Variants in DPP8 observed in about 807,000 individuals in gnomAD.
DPP8 encodes DPP VIII.
DPP8 carries 31 observed loss-of-function variants against 107.5 expected under a neutral mutation model. The observed-to-expected ratio is 0.29, with a 90% CI of 0.22 to 0.39. The LOEUF (loss-of-function observed/expected upper bound fraction) is 0.39. Ranked by LOEUF, DPP8 falls within the 10% of genes least tolerant of loss-of-function variation. The probability of loss-of-function intolerance (pLI) is 1.00; values close to 1 mark genes in which losing one functional copy is unlikely to be tolerated. For synonymous variants in DPP8, 381 were observed against 356.6 expected (o/e 1.07, Z -0.77); for missense variants, 842 against 1,076.1 (o/e 0.78, Z 3.04).
At chr15:65,505,978 T>A (rs1313498559) in intron 3 of DPP8, among the ~76,000 whole-genome samples, 2 of 148,136 alleles carry the variant, frequency 1.4e-5, no homozygotes, top group African/African-American at 5.0e-5. Context: ...TTAGTTGTTA[T>A]AAAAGTTTTT....
intron 8 of DPP8, among the ~76,000 whole-genome samples, chr15:65,483,028 C>T (rs991848268): frequency 3.3e-5 from 5 of 151,956 alleles, no homozygotes; most frequent in African/African-American, 7.2e-5. Flanking sequence ...ACCCGGGAGG[C>T]GGAGCTTGCA....
intron 8 of DPP8, 134 bp downstream of exon 8, chr15:65,484,965 A>G (rs2067264058): frequency 2.8e-6 from 2 of 707,928 alleles, no homozygotes; most frequent in Non-Finnish European, 2.5e-6. Flanking sequence ...AATTAGGTCA[A>G]TCTAAAATCA....
chr15:65,486,410 AAAC>A (rs2067445734), intron 7 of DPP8, among the ~76,000 whole-genome samples: 1 of 151,826 alleles, frequency 6.6e-6, no homozygotes, highest in Non-Finnish European at 1.5e-5. Flanking sequence ...CAAAAACAAA[AAAC>A]AAAAATTAGC....
intron 7 of DPP8, 146 bp from the exon 8 acceptor site, chr15:65,485,306 G>A: frequency 1.7e-6 from 1 of 584,612 alleles, no homozygotes; most frequent in Non-Finnish European, 3.0e-6. Flanking sequence ...CACTTTGGCA[G>A]GTTGAGGCAG....
Position 65,500,776 on chromosome 15 carries a change from T to C in DPP8, c.376A>G (p.Thr126Ala), listed in dbSNP as rs140325412. 9.2e-5 allele frequency: 148 copies of C among 1,607,308 alleles called. 1 individual carries two copies. In the Middle Eastern group the frequency reaches 1.3e-3, roughly 14 times the overall value. The change falls in exon 4 of 20, where the codon ACA becomes GCA. Residue 126 changes from threonine (T) to alanine (A), a missense_variant. This residue lies in a region of DPP8 where 663 missense variants were observed against 758.0 expected (regional missense o/e 0.87). Transcript: ENST00000300141. ...WKPLLDLFQA[T>A]LDYGMYSREE... ...CGAGAATACATTCCATAGTCCAGTG[T>C]TGCCTAATGTGAAAGGAAAGTCACC...
rs556879165 is a variant in DPP8 at position 65,445,788 on chromosome 15, A to G, written c.*1096T>C. The G allele has an allele frequency of 1.3e-5, 2 of 152,492 alleles. No individual in the cohort carries two copies. The highest frequency in any genetic ancestry group is 6.5e-5 in the Admixed American group (1 of 15,290). 9.4% of individuals were successfully genotyped at this position (152,492 alleles called of 1,614,324 possible). The stretch of plus-strand genomic sequence containing the variant: ...TACTCTGTAGCTGTGCTGGCAAGAC[A>G]GTGATTTATTGATTCTGGTTTCCTT... On this transcript the variant is annotated 3_prime_UTR_variant, in exon 20 of 20. Transcript: ENST00000300141.
In DPP8 at chr15:65,500,672, T is replaced by C. The variant is rs17853971; in HGVS notation, c.480A>G (p.Gly160=). The C allele has an allele frequency of 1.9e-6, 3 of 1,614,032 alleles. No individual in the cohort carries two copies. Among genetic ancestry groups the C allele is most frequent in the Non-Finnish European group, 2.5e-6 (3 of 1,179,916 alleles). ...CACTACCGGCTTGAAACAGAAATGTTCCACTTCCTTGGTGATAATCGTAAG... is the reference window on the plus strand; with the variant it reads ...CACTACCGGCTTGAAACAGAAATGTCCCACTTCCTTGGTGATAATCGTAAG... The part of the protein sequence containing the change: ...IASYDYHQGS[G]TFLFQAGSGI... Residue 160 remains glycine (G), a synonymous_variant, in exon 4 of 20, where the codon GGA becomes GGG. Coordinates refer to ENST00000300141, the MANE Select transcript of DPP8 (RefSeq NM_130434.5).
chr15:65,515,733 A>C, intron 1 of DPP8: 1 of 1,578,660 alleles, frequency 6.3e-7, no homozygotes, highest in Non-Finnish European at 8.7e-7. Flanking sequence ...TCAAGCATAG[A>C]ATCCCTCTGC....
chr15:65,489,132 T>C (rs1051045390), intron 6 of DPP8, among the ~76,000 whole-genome samples: 4 of 151,924 alleles, frequency 2.6e-5, no homozygotes, highest in African/African-American at 2.4e-5. Flanking sequence ...AGCTAATTTT[T>C]TGTATTTTAG....
Position 65,446,828 on chromosome 15 carries a change from C to A in DPP8, c.*56G>T, listed in dbSNP as rs538500587. 2 of 1,509,726 alleles carry A rather than the reference C, an allele frequency of 1.3e-6. No homozygotes were observed. Among genetic ancestry groups the A allele is most frequent in the East Asian group, 2.4e-5 (1 of 41,826 alleles). 93.5% of individuals were successfully genotyped at this position (1,509,726 alleles called of 1,614,324 possible). A position where few individuals can be genotyped will look rare whatever the true frequency, so the allele number is the denominator to read the frequency against. ...AATTCTGTGTTTTCTGTTGATTAAA[C>A]CTCCTCATTTGGTTAAATAGCCAGT... On this transcript the variant is annotated 3_prime_UTR_variant, in exon 20 of 20. Coordinates refer to ENST00000300141, the MANE Select transcript of DPP8 (RefSeq NM_130434.5).
intron 11 of DPP8, chr15:65,475,557 CTGAATTAGGACTGGCT>C: frequency 7.9e-7 from 1 of 1,271,714 alleles, no homozygotes; most frequent in African/African-American, 1.5e-5. Context: ...TCCCCAGGCA[CTGAATTAGGACTGGCT>C]TGACTCCCTG....
At chr15:65,476,687 T>C (rs1397582451) in intron 11 of DPP8, among the ~76,000 whole-genome samples, 1 of 152,182 alleles carries the variant, frequency 6.6e-6, no homozygotes, top group Non-Finnish European at 1.5e-5. Context: ...AATTCCACTT[T>C]TGAGTACATA....
At chr15:65,467,898 GTATATTTAT>G (rs1344800765) in intron 12 of DPP8, among the ~76,000 whole-genome samples, 1 of 151,974 alleles carries the variant, frequency 6.6e-6, no homozygotes, top group African/African-American at 2.4e-5. Context: ...TTACTATCTT[GTATATTTAT>G]TAGTTAGTGT....
rs1166493197 is a variant in DPP8 at position 65,488,603 on chromosome 15, CAAAAAAA to C, written c.827-792_827-786del. Among the ~76,000 whole-genome samples, 34 of 45,274 alleles carry C rather than the reference CAAAAAAA, an allele frequency of 7.5e-4. No homozygotes were observed. The East Asian group carries it at 0.013, about 18-fold the overall frequency. The allele number at this position is 45,274 out of a possible 152,430, so 29.7% of individuals were successfully genotyped here. A position where few individuals can be genotyped will look rare whatever the true frequency, so the allele number is the denominator to read the frequency against. On this transcript the variant is annotated intron_variant, in intron 6 of 19. Transcript: ENST00000300141. ...AGCCTGCACAACAGAGACCCTGCCT[CAAAAAAA>C]AAAAAAAAAAAAAAAAAACCCAAAA...
At chr15:65,508,639 G>C (rs145443379) in intron 2 of DPP8, among the ~76,000 whole-genome samples, 8,478 of 152,154 alleles carry the variant, frequency 0.056, 812 homozygotes, top group African/African-American at 0.19. Flanking sequence ...GATTACCTGA[G>C]GTCAGGAGCT....
At chr15:65,464,137 G>A (rs764524235) in intron 14 of DPP8, among the ~76,000 whole-genome samples, 1 of 152,178 alleles carries the variant, frequency 6.6e-6, no homozygotes, top group Non-Finnish European at 1.5e-5. Flanking sequence ...GCCGAGGCAG[G>A]TGGATCACAA....
rs2063512735 is a variant in DPP8 at position 65,446,735 on chromosome 15, C to A, written c.*149G>T. ...TTAGATTACTACCACAAACCGTAGA[C>A]CCCTGCATGGCACCACATTTATTTT... On this transcript the variant is annotated 3_prime_UTR_variant, in exon 20 of 20. Transcript: ENST00000300141. 3.0e-6 allele frequency: 2 copies of A among 676,860 alleles called. No individual in the cohort carries two copies. Among genetic ancestry groups the A allele is most frequent in the Non-Finnish European group, 4.5e-6 (2 of 442,724 alleles). The allele number at this position is 676,860 out of a possible 1,614,324, so 41.9% of individuals were successfully genotyped here. A position where few individuals can be genotyped will look rare whatever the true frequency, so the allele number is the denominator to read the frequency against.
At chr15:65,451,262 T>C (rs532981259) in intron 18 of DPP8, 152 bp from the exon 19 acceptor site, 12 of 579,384 alleles carry the variant, frequency 2.1e-5, no homozygotes, top group African/African-American at 1.5e-4. Context: ...ATTTGTAACA[T>C]ATTAACCAGA....
In DPP8 at chr15:65,487,718, C is replaced by T. The variant is rs146363685; in HGVS notation, c.927G>A (p.Arg309=). ...TTTTAGGATAACGGAATGAATCTGC[C>T]CTCCTTGTTTCCAACATAGGGGATG... The part of the protein sequence containing the change: ...HVTSPMLETR[R]ADSFRYPKTG... Residue 309 remains arginine (R), a synonymous_variant, in exon 7 of 20, where the codon AGG becomes AGA. Transcript: ENST00000300141. 4 of 1,609,536 alleles carry T rather than the reference C, an allele frequency of 2.5e-6. No individual in the cohort carries two copies. Among genetic ancestry groups the T allele is most frequent in the Non-Finnish European group, 3.4e-6 (4 of 1,177,696 alleles).
Sources: allele counts gnomAD v4.1 joint callset (sites outside exome capture counted in the v4.1 genomes callset), GRCh38; gene constraint gnomAD v4.1.1; regional missense constraint gnomAD v4.1.1; transcripts MANE v1.5; gene names NCBI Gene and HGNC (gene_info 2026-07-23, HGNC 2026-07-21).